The following DSCAML1 variants were observed in gnomAD, a reference collection of about 807,000 sequenced individuals.
DSCAML1 encodes cell adhesion molecule DSCAML1.
Under a neutral mutation model 200.5 loss-of-function variants are expected in DSCAML1, and 38 were observed. That is an observed-to-expected ratio of 0.19 (90% CI 0.15 to 0.25). DSCAML1 has a LOEUF of 0.25. Ranked by LOEUF, DSCAML1 falls within the 10% of genes least tolerant of loss-of-function variation. The pLI, the probability that DSCAML1 is intolerant of heterozygous loss-of-function variation, is 1.00. For missense variants in DSCAML1, 2,223 were observed against 2,858.8 expected (o/e 0.78, Z 5.07); for synonymous variants, 1,215 against 1,165.0 (o/e 1.04, Z -0.87).
At chr11:117,466,140 T>C (rs1000065796) in intron 16 of DSCAML1, among the ~76,000 whole-genome samples, 1 of 152,240 alleles carries the variant, frequency 6.6e-6, no homozygotes, top group Non-Finnish European at 1.5e-5. Context: ...GAGATACTTG[T>C]ACACTCATGT....
chr11:117,814,484 G>A (rs2055786773), intron 1 of DSCAML1, among the ~76,000 whole-genome samples: 1 of 152,184 alleles, frequency 6.6e-6, no homozygotes, highest in South Asian at 2.1e-4. Context: ...CTTGCTCCTG[G>A]AGGCATGGAG....
chr11:117,504,873 C>T lies in DSCAML1; in HGVS notation c.2182+51G>A, dbSNP rs777059856. The T allele has an allele frequency of 4.2e-5, 66 of 1,560,690 alleles. No homozygotes were observed. Among genetic ancestry groups the T allele is most frequent in the East Asian group, 1.1e-4 (5 of 43,984 alleles). ...GGTTCAAATCCCACAGAGCATCCTCCGTTCCCCGTCCCTGCCCTTCTTGGA... is the reference window on the plus strand; with the variant it reads ...GGTTCAAATCCCACAGAGCATCCTCTGTTCCCCGTCCCTGCCCTTCTTGGA... On this transcript the variant is annotated intron_variant, in intron 10 of 32. Coordinates refer to ENST00000651296, the MANE Select transcript of DSCAML1 (RefSeq NM_020693.4). The surrounding 1 kb of genome is among the most constrained non-coding windows in gnomAD (Gnocchi z 5.0).
chr11:117,723,765 C>CAG (rs1399358976), intron 3 of DSCAML1, among the ~76,000 whole-genome samples: 2 of 152,196 alleles, frequency 1.3e-5, no homozygotes, highest in African/African-American at 4.8e-5. Context: ...TGCAGTTCCC[C>CAG]AGAGAGATCG....
intron 3 of DSCAML1, among the ~76,000 whole-genome samples, chr11:117,763,973 A>C (rs2054850470): frequency 6.6e-6 from 1 of 152,090 alleles, no homozygotes; most frequent in South Asian, 2.1e-4. Context: ...CCCACCTCTC[A>C]GTCCCCCAAG....
intron 3 of DSCAML1, among the ~76,000 whole-genome samples, chr11:117,592,661 G>A (rs2042651610): frequency 6.6e-6 from 1 of 152,174 alleles, no homozygotes. Flanking sequence ...TGTTCTAAGC[G>A]ATTTACACAT....
intron 3 of DSCAML1, among the ~76,000 whole-genome samples, chr11:117,764,703 G>A (rs373355231): frequency 1.6e-3 from 247 of 152,360 alleles, no homozygotes; most frequent in African/African-American, 5.6e-3. Context: ...AGGCCCTGGG[G>A]TACAACCATG....
intron 3 of DSCAML1, among the ~76,000 whole-genome samples, chr11:117,653,655 G>A (rs1213168296): frequency 1.3e-5 from 2 of 152,066 alleles, no homozygotes; most frequent in East Asian, 1.9e-4. Flanking sequence ...GCAGCTCCTC[G>A]AAAGGTTCAA....
intron 19 of DSCAML1, among the ~76,000 whole-genome samples, chr11:117,455,299 T>C (rs1687738787): frequency 6.6e-6 from 1 of 152,228 alleles, no homozygotes; most frequent in African/African-American, 2.4e-5. Context: ...AACTTCCTCG[T>C]CTCTGCCTTA....
rs1308438652 is a variant in DSCAML1, at chr11:117,489,042, TATC to T, written c.2360-6883_2360-6881del. 2.0e-5 allele frequency among the ~76,000 whole-genome samples: 3 copies of T among 152,236 alleles called. No individual in the cohort carries two copies. The highest frequency in any genetic ancestry group is 7.2e-5 in the African/African-American group (3 of 41,460). On this transcript the variant is annotated intron_variant, in intron 11 of 32. Coordinates refer to ENST00000651296, the MANE Select transcript of DSCAML1 (RefSeq NM_020693.4). This position sits in a 1 kb window ranked among gnomAD's most constrained non-coding sequence, Gnocchi z 4.8. ...CAACAGCAACCACGAAAGCAAGTCT[TATC>T]ATCTCCACTTTTCAAATGAGGAAAC...
chr11:117,603,372 A>G (rs116356730), intron 3 of DSCAML1, among the ~76,000 whole-genome samples: 1,859 of 152,310 alleles, frequency 0.012, 38 homozygotes, highest in African/African-American at 0.041. Context: ...TGTAAATCAC[A>G]TGGTGGCGAA....
intron 3 of DSCAML1, among the ~76,000 whole-genome samples, chr11:117,720,791 T>G (rs1450303562): frequency 1.3e-5 from 2 of 152,264 alleles, no homozygotes; most frequent in East Asian, 3.8e-4. Context: ...AGAGAATTCC[T>G]GCAAAGTGCT....
chr11:117,796,732 G>T (rs1181918759), intron 1 of DSCAML1, among the ~76,000 whole-genome samples: 1 of 152,244 alleles, frequency 6.6e-6, no homozygotes, highest in Admixed American at 6.5e-5. Context: ...AGGGGCTGGG[G>T]GAGGGGTCCA....
intron 3 of DSCAML1, among the ~76,000 whole-genome samples, chr11:117,765,317 A>C (rs2054876367): frequency 1.3e-5 from 2 of 152,214 alleles, no homozygotes; most frequent in Non-Finnish European, 2.9e-5. Flanking sequence ...AGATGCCAGG[A>C]CCACAAAAGC....
chr11:117,473,550 T>A (rs2048729081), intron 14 of DSCAML1, among the ~76,000 whole-genome samples: 2 of 152,008 alleles, frequency 1.3e-5, no homozygotes. Flanking sequence ...GCCTGATAAA[T>A]CAGGAGAATT....
rs979904167 is a variant in DSCAML1 at position 117,448,242 on chromosome 11, T to C, written c.3708+2307A>G. On this transcript the variant is annotated intron_variant, in intron 20 of 32. Transcript: ENST00000651296. ...CTTCATTATCAGAGGAGGAAATGAC[T>C]GCAAAAGTCCAGGCTAGAGAATGAC... 2.0e-5 allele frequency among the ~76,000 whole-genome samples: 3 copies of C among 152,192 alleles called. 1 individual carries two copies. The South Asian group carries it at 6.2e-4, about 31-fold the overall frequency.
chr11:117,652,074 G>T (rs75305655), intron 3 of DSCAML1, among the ~76,000 whole-genome samples: 1,929 of 152,302 alleles, frequency 0.013, 56 homozygotes, highest in African/African-American at 0.044. Flanking sequence ...TCCTTCTCAG[G>T]GTTCGGAGAT....
chr11:117,718,173 G>A (rs1464581808), intron 3 of DSCAML1, among the ~76,000 whole-genome samples: 1 of 152,212 alleles, frequency 6.6e-6, no homozygotes, highest in East Asian at 1.9e-4. Context: ...AGGTCAGTGG[G>A]GCATTGCCGC....
rs115878454 is a variant in DSCAML1, at chr11:117,430,504, C to T, written c.5686+218G>A. Among the ~76,000 whole-genome samples the T allele has an allele frequency of 6.6e-3, 1,009 of 152,358 alleles. 11 individuals are homozygous for T. The highest frequency in any genetic ancestry group is 0.023 in the African/African-American group (953 of 41,580). ...ACTTAAGGCCACAGAGGTTAAATGA[C>T]TTGCCCAAGGCCACAGACATAGGAA... On this transcript the variant is annotated intron_variant, in intron 32 of 32. Transcript: ENST00000651296.
At chr11:117,657,571 A>G (rs1357608053) in intron 3 of DSCAML1, among the ~76,000 whole-genome samples, 1 of 152,164 alleles carries the variant, frequency 6.6e-6, no homozygotes, top group Non-Finnish European at 1.5e-5. Context: ...GTCAGTGACT[A>G]TCTAATCCTA....
Sources: allele counts gnomAD v4.1 joint callset (sites outside exome capture counted in the v4.1 genomes callset), GRCh38; gene constraint gnomAD v4.1.1; non-coding constraint Gnocchi (gnomAD v3.1); transcripts MANE v1.5; gene names NCBI Gene and HGNC (gene_info 2026-07-23, HGNC 2026-07-21).